ZNF804B: variants seen among roughly 807,000 people sequenced by gnomAD.
ZNF804B encodes zinc finger protein 804B, also known as zinc finger 804B.
Under a neutral mutation model 101.4 loss-of-function variants are expected in ZNF804B, and 80 were observed. The observed-to-expected ratio is 0.79, with a 90% confidence interval of 0.66 to 0.95. ZNF804B has a LOEUF of 0.95. ZNF804B is among the 40% of genes least tolerant of loss of function. The pLI, the probability that ZNF804B is intolerant of heterozygous loss-of-function variation, is 0.00. For synonymous variants in ZNF804B, 622 were observed against 558.8 expected (o/e 1.11, Z -1.59); for missense variants, 1,673 against 1,561.9 (o/e 1.07, Z -1.20).
chr7:89,208,946 A>G (rs948087745), intron 1 of ZNF804B, among the ~76,000 whole-genome samples: 2 of 152,108 alleles, frequency 1.3e-5, no homozygotes, highest in Admixed American at 1.3e-4. Flanking sequence ...TGGGAGGCGG[A>G]GCTTGCAGTG....
In ZNF804B at chr7:89,337,889, A is replaced by G. The variant is rs1170535447; in HGVS notation, c.*857A>G. Reference sequence around the variant, plus strand: ...TATTATTCTTCTACTCAAAAATTTTACTACGTTCAGCCAATACATGTATAA... The same window carrying G: ...TATTATTCTTCTACTCAAAAATTTTGCTACGTTCAGCCAATACATGTATAA... On this transcript the variant is annotated 3_prime_UTR_variant, in exon 4 of 4. Coordinates refer to ENST00000333190, the MANE Select transcript of ZNF804B (RefSeq NM_181646.5). Among the ~76,000 whole-genome samples, 2 of 152,136 alleles carry G rather than the reference A, an allele frequency of 1.3e-5. No individual in the cohort carries two copies. The highest frequency in any genetic ancestry group is 2.9e-5 in the Non-Finnish European group (2 of 67,974).
chr7:89,067,807 C>G (rs538568994), intron 1 of ZNF804B, among the ~76,000 whole-genome samples: 114 of 147,796 alleles, frequency 7.7e-4, no homozygotes, highest in African/African-American at 2.8e-3. Context: ...CCAAACTATG[C>G]TAATTTTTTT....
intron 1 of ZNF804B, among the ~76,000 whole-genome samples, chr7:89,209,563 A>G (rs1490902519): frequency 1.7e-4 from 26 of 152,232 alleles, no homozygotes; most frequent in Admixed American, 1.7e-3. Context: ...TTCAATATGC[A>G]ACATAGATCT....
chr7:89,265,618 T>C (rs1052678858), intron 2 of ZNF804B, among the ~76,000 whole-genome samples: 1 of 152,254 alleles, frequency 6.6e-6, no homozygotes, highest in Admixed American at 6.5e-5. Flanking sequence ...CAAATTCCAT[T>C]TAAATTTATT....
chr7:89,218,413 C>CA, intron 2 of ZNF804B, 118 bp downstream of exon 2: 1 of 1,208,112 alleles, frequency 8.3e-7, no homozygotes, highest in Non-Finnish European at 1.2e-6. Context: ...CATTTTATGT[C>CA]TTTTTTCCCC....
At chr7:89,214,881 A>C (rs1788866017) in intron 1 of ZNF804B, among the ~76,000 whole-genome samples, 1 of 152,236 alleles carries the variant, frequency 6.6e-6, no homozygotes, top group African/African-American at 2.4e-5. Context: ...ACATGTGTGG[A>C]TAGATCGTTG....
intron 1 of ZNF804B, among the ~76,000 whole-genome samples, chr7:89,038,251 CATA>C (rs1156458534): frequency 6.6e-6 from 1 of 152,120 alleles, no homozygotes; most frequent in Non-Finnish European, 1.5e-5. Flanking sequence ...TACTCTTTTC[CATA>C]ATGTGTATAC....
At chr7:88,891,051 G>A (rs1313425516) in intron 1 of ZNF804B, among the ~76,000 whole-genome samples, 5 of 151,950 alleles carry the variant, frequency 3.3e-5, no homozygotes, top group Admixed American at 3.3e-4. Flanking sequence ...AGCGTTAATT[G>A]TTTGTGTTGT....
At chr7:88,765,297 A>G (rs1419851555) in intron 1 of ZNF804B, among the ~76,000 whole-genome samples, 2 of 152,174 alleles carry the variant, frequency 1.3e-5, no homozygotes, top group Admixed American at 1.3e-4. Flanking sequence ...AATAAAAATG[A>G]AACATTTTGG....
chr7:88,999,887 T>G (rs1472047286), intron 1 of ZNF804B, among the ~76,000 whole-genome samples: 2 of 151,980 alleles, frequency 1.3e-5, no homozygotes, highest in Non-Finnish European at 2.9e-5. Flanking sequence ...CCTTTGAAAA[T>G]TGTTAACAAC....
At chr7:88,858,509 A>G (rs184501839) in intron 1 of ZNF804B, among the ~76,000 whole-genome samples, 2 of 152,240 alleles carry the variant, frequency 1.3e-5, no homozygotes, top group Admixed American at 1.3e-4. Flanking sequence ...GGGGCATGCA[A>G]TAGAATTTGA....
rs1337489461 is a variant in ZNF804B, at chr7:89,337,305, G to A, written c.*273G>A. ...AAAGATTTGTTTTGGATGGGTTCTC[G>A]CATAATGTTATAAAATAGCAACAGA... On this transcript the variant is annotated 3_prime_UTR_variant, in exon 4 of 4. Transcript: ENST00000333190. 6.6e-6 allele frequency among the ~76,000 whole-genome samples: 1 copy of A among 151,962 alleles called. No individual in the cohort carries two copies. The highest frequency in any genetic ancestry group is 1.5e-5 in the Non-Finnish European group (1 of 67,976).
intron 1 of ZNF804B, among the ~76,000 whole-genome samples, chr7:88,941,336 A>G (rs1184229998): frequency 6.6e-6 from 1 of 152,048 alleles, no homozygotes; most frequent in Non-Finnish European, 1.5e-5. Flanking sequence ...AGCTTTATTC[A>G]TAATTGCTAA....
intron 1 of ZNF804B, among the ~76,000 whole-genome samples, chr7:89,021,919 G>A (rs1248276275): frequency 1.3e-5 from 2 of 152,192 alleles, no homozygotes; most frequent in Non-Finnish European, 2.9e-5. Flanking sequence ...CTCCTAATCA[G>A]TAGTAATGCT....
At chr7:88,942,639 G>C (rs762724233) in intron 1 of ZNF804B, among the ~76,000 whole-genome samples, 2 of 149,616 alleles carry the variant, frequency 1.3e-5, no homozygotes, top group Non-Finnish European at 3.0e-5. Flanking sequence ...CATCTTGAAT[G>C]AATGCATGAA....
intron 1 of ZNF804B, among the ~76,000 whole-genome samples, chr7:89,217,030 A>T (rs1272123471): frequency 3.3e-5 from 5 of 152,326 alleles, no homozygotes; most frequent in African/African-American, 9.6e-5. Context: ...CGTAGTGCAT[A>T]TTAAGTAGCA....
intron 2 of ZNF804B, among the ~76,000 whole-genome samples, chr7:89,249,892 G>C (rs1024538120): frequency 1.3e-5 from 2 of 152,016 alleles, no homozygotes; most frequent in Non-Finnish European, 2.9e-5. Context: ...CTGCTAACTA[G>C]ACTAACATAG....
Position 89,335,471 on chromosome 7 carries a change from C to G in ZNF804B, c.2489C>G (p.Ser830Cys), listed in dbSNP as rs1791062713. 1 of 1,613,990 alleles carries G rather than the reference C, an allele frequency of 6.2e-7. No individual in the cohort carries two copies. The highest frequency in any genetic ancestry group is 1.1e-5 in the South Asian group (1 of 91,080). Residue 830 changes from serine to cysteine, a missense_variant, in exon 4 of 4, where the codon TCT becomes TGT. Transcript: ENST00000333190. ...TCTACGAGAATCATCTATTGTGATT[C>G]TAACTCACAGATTTCCTGTACTGGA... ...LKSTRIIYCDSNSQISCTGSS... is the reference protein window; with the variant it reads ...LKSTRIIYCDCNSQISCTGSS...
chr7:89,240,496 A>G (rs1789351552), intron 2 of ZNF804B, among the ~76,000 whole-genome samples: 1 of 151,952 alleles, frequency 6.6e-6, no homozygotes, highest in Non-Finnish European at 1.5e-5. Context: ...AAATCATTAC[A>G]TAGTTGTCAA....
Sources: gnomAD v4.1 joint callset for allele counts (sites outside exome capture counted in the v4.1 genomes callset) on GRCh38, gnomAD v4.1.1 for gene constraint, MANE v1.5 for transcripts, NCBI Gene and HGNC (gene_info 2026-07-23, HGNC 2026-07-21) for gene names.